MTMR8: variants seen among roughly 807,000 people sequenced by gnomAD.
The protein encoded by MTMR8 is myotubularin related protein 8, also known as phosphatidylinositol-3,5-bisphosphate 3-phosphatase MTMR8.
MTMR8 carries 65 observed loss-of-function variants against 39.3 expected under a neutral mutation model. The observed-to-expected ratio is 1.65, with a 90% CI of 1.35 to 2.03. MTMR8 has a LOEUF of 2.03. MTMR8 is among the 30% of genes most tolerant of loss of function. The pLI is 0.00. For synonymous variants in MTMR8, 245 were observed against 185.2 expected (o/e 1.32, Z -2.62); for missense variants, 777 against 538.9 (o/e 1.44, Z -4.37).
chrX:64,297,589 G>T (rs1921662780), intron 12 of MTMR8, among the ~76,000 whole-genome samples: 1 of 89,920 alleles, frequency 1.1e-5, no homozygotes, highest in Non-Finnish European at 2.2e-5. Context: ...AGTTTAATTA[G>T]ATCCCATTTG....
chrX:64,296,112 T>A (rs765464288), intron 12 of MTMR8, among the ~76,000 whole-genome samples: 1 of 111,970 alleles, frequency 8.9e-6, no homozygotes, highest in South Asian at 3.7e-4. Context: ...CAATAGAATA[T>A]TTTTCAGCCT....
chrX:64,340,925 T>C (rs1194127854), intron 8 of MTMR8, among the ~76,000 whole-genome samples: 1 of 112,516 alleles, frequency 8.9e-6, no homozygotes, highest in Non-Finnish European at 1.9e-5. Context: ...GAATGGAAAC[T>C]GGTATTACCT....
intron 1 of MTMR8, among the ~76,000 whole-genome samples, chrX:64,364,116 T>C (rs946013767): frequency 8.9e-6 from 1 of 112,283 alleles, no homozygotes; most frequent in African/African-American, 3.2e-5. Flanking sequence ...CCACTGCAAC[T>C]CTGCAAGGCC....
At chrX:64,292,674 T>G (rs957083797) in intron 12 of MTMR8, among the ~76,000 whole-genome samples, 2 of 110,693 alleles carry the variant, frequency 1.8e-5, no homozygotes, top group Non-Finnish European at 3.8e-5. Flanking sequence ...GAGCAGAAAA[T>G]GCATCATCTT....
chrX:64,330,088 T>A (rs896642462), intron 11 of MTMR8, among the ~76,000 whole-genome samples: 17 of 112,172 alleles, frequency 1.5e-4, no homozygotes, highest in Non-Finnish European at 7.5e-5. Context: ...ATGACACTTC[T>A]GCTTATTTTA....
chrX:64,305,350 G>C (rs1256340021), intron 12 of MTMR8: 2 of 207,558 alleles, frequency 9.6e-6, no homozygotes, highest in South Asian at 7.3e-5. Flanking sequence ...GTCAGCTTCT[G>C]AGTGCCAATA....
At chrX:64,327,506 T>G (rs752984821) in intron 12 of MTMR8, among the ~76,000 whole-genome samples, 2 of 112,150 alleles carry the variant, frequency 1.8e-5, no homozygotes, top group African/African-American at 6.5e-5. Flanking sequence ...TGAATGGCTA[T>G]TCACAAAAAG....
intron 8 of MTMR8, among the ~76,000 whole-genome samples, chrX:64,340,386 C>T (rs957972902): frequency 6.3e-5 from 7 of 111,241 alleles, no homozygotes; most frequent in Non-Finnish European, 1.1e-4. Flanking sequence ...GAAAAGAAGA[C>T]GGCAAGGCTG....
intron 12 of MTMR8, among the ~76,000 whole-genome samples, 168 bp from the exon 13 acceptor site, chrX:64,271,241 G>A (rs1931753732): frequency 1.8e-5 from 2 of 111,814 alleles, no homozygotes; most frequent in Non-Finnish European, 3.8e-5. Flanking sequence ...ATTGGGAAGA[G>A]TAAAGATACC....
intron 12 of MTMR8, among the ~76,000 whole-genome samples, chrX:64,300,708 C>T (rs1224273673): frequency 1.9e-5 from 2 of 104,513 alleles, no homozygotes; most frequent in East Asian, 6.0e-4. Context: ...TTTGCAGCAG[C>T]TGGTACCGGT....
chrX:64,271,677 C>T (rs1363528749), intron 12 of MTMR8, among the ~76,000 whole-genome samples: 1 of 112,634 alleles, frequency 8.9e-6, no homozygotes, highest in African/African-American at 3.2e-5. Flanking sequence ...AGTTGGACTG[C>T]ACACCTAACA....
chrX:64,304,236 G>A (rs1432298388), intron 12 of MTMR8, among the ~76,000 whole-genome samples: 2 of 111,299 alleles, frequency 1.8e-5, no homozygotes, highest in Non-Finnish European at 3.8e-5. Context: ...GTAAACAAAT[G>A]TCTGCTGCTG....
chrX:64,277,098 G>T (rs1363279141), intron 12 of MTMR8, among the ~76,000 whole-genome samples: 1 of 111,075 alleles, frequency 9.0e-6, no homozygotes, highest in Non-Finnish European at 1.9e-5. Context: ...CCATTTGCTG[G>T]GTATATATTC....
chrX:64,388,576 A>G (rs918722523), intron 1 of MTMR8, among the ~76,000 whole-genome samples: 3 of 112,482 alleles, frequency 2.7e-5, no homozygotes, highest in Non-Finnish European at 5.6e-5. Context: ...CAGACTTGGA[A>G]AGGAATCCTG....
chrX:64,272,052 C>A (rs1931772429), intron 12 of MTMR8, among the ~76,000 whole-genome samples: 1 of 111,730 alleles, frequency 9.0e-6, no homozygotes, highest in African/African-American at 3.3e-5. Context: ...TAAACTAGGA[C>A]AATGGGTTGA....
chrX:64,281,696 C>T, intron 12 of MTMR8, among the ~76,000 whole-genome samples: 1 of 111,381 alleles, frequency 9.0e-6, no homozygotes. Context: ...CTAAAATTGA[C>T]AAATGGGATC....
At chrX:64,278,562 C>T (rs1342795359) in intron 12 of MTMR8, among the ~76,000 whole-genome samples, 1 of 101,148 alleles carries the variant, frequency 9.9e-6, no homozygotes, top group Non-Finnish European at 2.0e-5. Context: ...CAACCTCCGC[C>T]TCCCAGGTTC....
intron 1 of MTMR8, among the ~76,000 whole-genome samples, chrX:64,383,705 G>T (rs1162349229): frequency 2.7e-5 from 3 of 110,349 alleles, no homozygotes; most frequent in Non-Finnish European, 5.7e-5. Flanking sequence ...AGCACTAGAA[G>T]GATGGTACTA....
chrX:64,361,126 A>G (rs1923767908), intron 1 of MTMR8, among the ~76,000 whole-genome samples: 1 of 112,071 alleles, frequency 8.9e-6, no homozygotes, highest in African/African-American at 3.2e-5. Context: ...ATGAACAACA[A>G]TATGCTAATA....
Sources: gnomAD v4.1 joint callset for allele counts (sites outside exome capture counted in the v4.1 genomes callset) on GRCh38, gnomAD v4.1.1 for gene constraint, MANE v1.5 for transcripts, NCBI Gene and HGNC (gene_info 2026-07-23, HGNC 2026-07-21) for gene names.